The following POU6F2 variants were observed in gnomAD, a reference collection of about 807,000 sequenced individuals.
POU6F2 encodes POU domain, class 6, transcription factor 2.
Under a neutral mutation model 71.3 loss-of-function variants are expected in POU6F2, and 31 were observed. That is an observed-to-expected ratio of 0.43 (90% CI 0.33 to 0.59). The LOEUF is 0.59. Ranked by LOEUF, POU6F2 falls within the 20% of genes least tolerant of loss-of-function variation. POU6F2 has a pLI of 0.04. For synonymous variants in POU6F2, 347 were observed against 355.7 expected, an observed-to-expected ratio of 0.98 and a Z score of 0.27; for missense variants, 783 against 856.8, an observed-to-expected ratio of 0.91 and a Z score of 1.07.
intron 1 of POU6F2, among the ~76,000 whole-genome samples, chr7:38,981,093 T>C (rs1054617016): frequency 1.3e-5 from 2 of 152,240 alleles, no homozygotes; most frequent in Non-Finnish European, 2.9e-5. Flanking sequence ...AGATTTCTGA[T>C]AGCAATTACC....
chr7:39,148,871 G>A (rs1029219412), intron 2 of POU6F2, among the ~76,000 whole-genome samples: 8 of 152,228 alleles, frequency 5.3e-5, no homozygotes, highest in East Asian at 3.8e-4. Context: ...TAGTGATCGC[G>A]AGATGATGTG....
intron 2 of POU6F2, among the ~76,000 whole-genome samples, chr7:39,142,123 A>G (rs1792515818): frequency 6.6e-6 from 1 of 152,126 alleles, no homozygotes; most frequent in Non-Finnish European, 1.5e-5. Flanking sequence ...CAATATTGTC[A>G]CACCAAACCA....
intron 6 of POU6F2, among the ~76,000 whole-genome samples, chr7:39,417,643 A>C (rs1366106181): frequency 1.3e-5 from 2 of 152,206 alleles, no homozygotes; most frequent in Admixed American, 1.3e-4. Context: ...ACAAACAGGA[A>C]AAAAAATGTT....
chr7:39,138,576 C>G (rs1207635722), intron 2 of POU6F2, among the ~76,000 whole-genome samples: 3 of 152,118 alleles, frequency 2.0e-5, no homozygotes, highest in Non-Finnish European at 4.4e-5. Context: ...AATCTAATGC[C>G]TGATGATCTG....
chr7:38,988,789 C>T (rs536872193), intron 1 of POU6F2, among the ~76,000 whole-genome samples: 25 of 152,174 alleles, frequency 1.6e-4, no homozygotes, highest in Admixed American at 5.2e-4. Flanking sequence ...GGAATTGGTC[C>T]GGAGAATGCT....
intron 4 of POU6F2, among the ~76,000 whole-genome samples, chr7:39,217,505 AT>A (rs1257138839): frequency 6.6e-6 from 1 of 152,178 alleles, no homozygotes; most frequent in Non-Finnish European, 1.5e-5. Flanking sequence ...GACAGCAGAG[AT>A]CCGTTACCAC....
chr7:39,286,187 T>C (rs1784646984), intron 4 of POU6F2, among the ~76,000 whole-genome samples: 2 of 152,096 alleles, frequency 1.3e-5, no homozygotes, highest in Admixed American at 1.3e-4. Flanking sequence ...CGGTCATACA[T>C]CTATCCCACT....
chr7:39,133,216 G>C (rs1792325039), intron 2 of POU6F2, among the ~76,000 whole-genome samples: 1 of 152,254 alleles, frequency 6.6e-6, no homozygotes. Flanking sequence ...ATGTCTCTGA[G>C]TGTTGTAGTC....
chr7:39,298,104 G>A (rs955934865), intron 4 of POU6F2, among the ~76,000 whole-genome samples: 2 of 152,118 alleles, frequency 1.3e-5, no homozygotes, highest in East Asian at 3.9e-4. Context: ...GTAGGCATGA[G>A]CAAAGACTTC....
rs144183792 is a variant in POU6F2 at position 38,989,827 on chromosome 7, TTG to T, written c.105+11788_105+11789del. On this transcript the variant is annotated intron_variant, in intron 1 of 9. Coordinates refer to ENST00000518318, the MANE Select transcript of POU6F2 (RefSeq NM_001370959.1). The stretch of plus-strand genomic sequence containing the variant: ...TGTGTGTGTGTGTGTGTGTGTGTGT[TTG>T]TGTGTGTGTGTGTGTGTGGAAAATT... 4.3e-4 allele frequency among the ~76,000 whole-genome samples: 56 copies of T among 130,296 alleles called. No homozygotes were observed. In the East Asian group the frequency reaches 8.1e-3, roughly 19 times the overall value. The allele number at this position is 130,296 out of a possible 152,430, so 85.5% of individuals were successfully genotyped here.
chr7:39,166,188 G>A (rs1793112670), intron 2 of POU6F2, among the ~76,000 whole-genome samples: 1 of 152,202 alleles, frequency 6.6e-6, no homozygotes. Flanking sequence ...AATGAGTCTT[G>A]CTGCCAAAAC....
intron 5 of POU6F2, among the ~76,000 whole-genome samples, chr7:39,375,116 G>T (rs984182658): frequency 1.1e-4 from 16 of 152,076 alleles, no homozygotes; most frequent in African/African-American, 3.6e-4. Context: ...TTTGGGAGGG[G>T]GCTGGCGGGA....
chr7:39,185,368 A>G (rs544761611), intron 2 of POU6F2, among the ~76,000 whole-genome samples: 145 of 152,320 alleles, frequency 9.5e-4, no homozygotes, highest in African/African-American at 3.3e-3. Context: ...AAAATTGTCA[A>G]TGGAGACAGT....
At chr7:39,317,892 C>T (rs905442440) in intron 4 of POU6F2, among the ~76,000 whole-genome samples, 23 of 152,148 alleles carry the variant, frequency 1.5e-4, no homozygotes, top group African/African-American at 5.3e-4. Flanking sequence ...AATTCTCATA[C>T]ATTTGGCAGA....
chr7:39,104,832 GACCGTGTCTTCTT>G (rs1791643589), intron 2 of POU6F2, among the ~76,000 whole-genome samples: 1 of 152,210 alleles, frequency 6.6e-6, no homozygotes, highest in Non-Finnish European at 1.5e-5. Context: ...GCACTTTGGA[GACCGTGTCTTCTT>G]ATTAGTGAAG....
chr7:39,302,649 C>A (rs778440593), intron 4 of POU6F2, among the ~76,000 whole-genome samples: 6 of 152,168 alleles, frequency 3.9e-5, no homozygotes, highest in African/African-American at 1.4e-4. Context: ...TTTGTCTTGA[C>A]TTGAAAGAAA....
chr7:39,269,593 A>G (rs1784307931), intron 4 of POU6F2, among the ~76,000 whole-genome samples: 1 of 152,192 alleles, frequency 6.6e-6, no homozygotes, highest in Non-Finnish European at 1.5e-5. Context: ...TTTCTTCATC[A>G]GCTCCTATAG....
chr7:39,225,971 G>GT (rs1297816460), intron 4 of POU6F2, among the ~76,000 whole-genome samples: 105 of 151,188 alleles, frequency 6.9e-4, no homozygotes, highest in South Asian at 5.5e-3. Flanking sequence ...AAAAAAGGTT[G>GT]TTTTTTTTTA....
At chr7:39,206,627 CA>C (rs1290936927) in intron 3 of POU6F2, among the ~76,000 whole-genome samples, 7 of 152,222 alleles carry the variant, frequency 4.6e-5, no homozygotes, top group Admixed American at 4.6e-4. Flanking sequence ...ATATTATAAA[CA>C]TTTTCTATTT....
Sources: gnomAD v4.1 joint callset for allele counts (sites outside exome capture counted in the v4.1 genomes callset) on GRCh38, gnomAD v4.1.1 for gene constraint, MANE v1.5 for transcripts, NCBI Gene and HGNC (gene_info 2026-07-23, HGNC 2026-07-21) for gene names.